FKBP15: variants seen among roughly 807,000 people sequenced by gnomAD.
FKBP15 encodes FKBP prolyl isomerase family member 15.
In FKBP15, 106 loss-of-function variants were observed where a neutral mutation model predicts 158.1. That is an observed-to-expected ratio of 0.67 (90% CI 0.57 to 0.79). The LOEUF is 0.79. Ranked by LOEUF, FKBP15 falls within the 30% of genes least tolerant of loss-of-function variation. The probability of loss-of-function intolerance (pLI) is 0.00; values close to 1 mark genes in which losing one functional copy is unlikely to be tolerated. For missense variants in FKBP15, 1,287 were observed against 1,479.1 expected (o/e 0.87, Z 2.13); for synonymous variants, 547 against 548.6 (o/e 1.00, Z 0.04).
intron 6 of FKBP15, among the ~76,000 whole-genome samples, chr9:113,201,063 TTTCATTA>T (rs955306213): frequency 6.8e-6 from 1 of 146,020 alleles, no homozygotes; most frequent in Non-Finnish European, 1.5e-5. Context: ...AAAAAAAGAG[TTTCATTA>T]TTGTAATCAA....
chr9:113,162,253 T>A lies in FKBP15; in HGVS notation c.*3825A>T, dbSNP rs1830025433. ...GTGTCTCAGATCTTCACAACTGCAC[T>A]GCAAGGGAAGTATTCTCATTCCTGT... On this transcript the variant is annotated 3_prime_UTR_variant, in exon 28 of 28. Coordinates refer to ENST00000238256, the MANE Select transcript of FKBP15 (RefSeq NM_015258.2). The A allele has an allele frequency of 4.0e-6, 1 of 249,136 alleles. No individual in the cohort carries two copies. Among genetic ancestry groups the A allele is most frequent in the South Asian group, 4.3e-5 (1 of 23,516 alleles). 15.4% of individuals were successfully genotyped at this position (249,136 alleles called of 1,614,324 possible). A position where few individuals can be genotyped will look rare whatever the true frequency, so the allele number is the denominator to read the frequency against.
At chr9:113,194,213 C>A in intron 9 of FKBP15, 44 bp from the exon 10 acceptor site, 1 of 1,462,800 alleles carries the variant, frequency 6.8e-7, no homozygotes, top group Non-Finnish European at 9.3e-7. Context: ...GGGAATTGAA[C>A]AATGAGATCA....
At chr9:113,171,556 C>A in intron 24 of FKBP15, 25 bp downstream of exon 24, 1 of 1,602,522 alleles carries the variant, frequency 6.2e-7, no homozygotes, top group Non-Finnish European at 8.5e-7. Context: ...AAATGGCTTG[C>A]TTCTCATTTG....
chr9:113,177,105 C>T (rs755872102), intron 20 of FKBP15, among the ~76,000 whole-genome samples: 6 of 152,286 alleles, frequency 3.9e-5, no homozygotes, highest in African/African-American at 1.2e-4. Context: ...TCTCCACATA[C>T]GAAATGGAAA....
intron 18 of FKBP15, 126 bp downstream of exon 18, chr9:113,183,625 A>G (rs372285044): frequency 1.2e-5 from 8 of 647,868 alleles, no homozygotes; most frequent in African/African-American, 7.2e-5. Context: ...AATTCACATG[A>G]CAGGCAGGAA....
At chr9:113,175,839 TAATG>T (rs1447523540) in intron 21 of FKBP15, among the ~76,000 whole-genome samples, 1 of 152,216 alleles carries the variant, frequency 6.6e-6, no homozygotes, top group African/African-American at 2.4e-5. Context: ...CCTGTCAGAC[TAATG>T]AAGATTAGAA....
chr9:113,183,694 G>A, intron 18 of FKBP15, 57 bp downstream of exon 18: 1 of 1,118,326 alleles, frequency 8.9e-7, no homozygotes, highest in Non-Finnish European at 1.3e-6. Context: ...CTTAAGCTGG[G>A]CATATACATA....
At chr9:113,199,135 T>C (rs1465406590) in intron 7 of FKBP15, among the ~76,000 whole-genome samples, 1 of 152,132 alleles carries the variant, frequency 6.6e-6, no homozygotes, top group Non-Finnish European at 1.5e-5. Context: ...ATTTTCCAGG[T>C]TTAGAAAAAA....
At chr9:113,192,350 G>T (rs1233998463) in intron 11 of FKBP15, among the ~76,000 whole-genome samples, 1 of 152,160 alleles carries the variant, frequency 6.6e-6, no homozygotes, top group Non-Finnish European at 1.5e-5. Flanking sequence ...CAACTATTCT[G>T]TTTCCCAGTG....
chr9:113,161,251 A>G lies in FKBP15; in HGVS notation c.*4827T>C. 2 of 480,164 alleles carry G rather than the reference A, an allele frequency of 4.2e-6. No individual in the cohort carries two copies. Among genetic ancestry groups the G allele is most frequent in the Non-Finnish European group, 7.4e-6 (2 of 271,010 alleles). 29.7% of individuals were successfully genotyped at this position (480,164 alleles called of 1,614,324 possible). Reference sequence around the variant, plus strand: ...ACAGATTTGTGCAGCCTGCTGGGGGAGTGGGTGGGGTAATGGTACGTGGCT... The same window carrying G: ...ACAGATTTGTGCAGCCTGCTGGGGGGGTGGGTGGGGTAATGGTACGTGGCT... On this transcript the variant is annotated 3_prime_UTR_variant, in exon 28 of 28. Coordinates refer to ENST00000238256, the MANE Select transcript of FKBP15 (RefSeq NM_015258.2).
chr9:113,177,111 G>A (rs1002538325), intron 20 of FKBP15, among the ~76,000 whole-genome samples: 2 of 152,150 alleles, frequency 1.3e-5, no homozygotes, highest in Admixed American at 1.3e-4. Flanking sequence ...CATACGAAAT[G>A]GAAAGGACAT....
Position 113,199,882 on chromosome 9 carries a change from C to T in FKBP15, c.580G>A (p.Val194Ile). ...QDLIVADGPA[V>I]EVGDSLEVAY... ...ACTTCCAAAGAATCTCCAACTTCTACAGCAGGGCCGTCTGCCACAATGAGG... is the reference window on the plus strand; with the variant it reads ...ACTTCCAAAGAATCTCCAACTTCTATAGCAGGGCCGTCTGCCACAATGAGG... Residue 194 changes from valine to isoleucine, a missense_variant, in exon 7 of 28, where the codon GTA (valine) becomes ATA (isoleucine). Transcript: ENST00000238256. The T allele has an allele frequency of 6.2e-7, 1 of 1,613,280 alleles. No individual in the cohort carries two copies. The highest frequency in any genetic ancestry group is 8.5e-7 in the Non-Finnish European group (1 of 1,179,620).
chr9:113,163,314 T>G lies in FKBP15; in HGVS notation c.*2764A>C, dbSNP rs1331343383. On this transcript the variant is annotated 3_prime_UTR_variant, in exon 28 of 28. Coordinates refer to ENST00000238256, the MANE Select transcript of FKBP15 (RefSeq NM_015258.2). ...GGAACCTGGACACCCTCAGCTCTCC[T>G]GCTTTGTGCCTTATCTACAGGAGCA... 6.3e-6 allele frequency: 1 copy of G among 157,636 alleles called. No individual in the cohort carries two copies. Among genetic ancestry groups the G allele is most frequent in the East Asian group, 1.9e-4 (1 of 5,328 alleles). The allele number at this position is 157,636 out of a possible 1,614,324, so 9.8% of individuals were successfully genotyped here.
At chr9:113,169,156 T>TAAAAAA in intron 26 of FKBP15, 68 bp downstream of exon 26, 1 of 1,519,880 alleles carries the variant, frequency 6.6e-7, no homozygotes, top group Non-Finnish European at 8.8e-7. Flanking sequence ...TTGCCAGCCC[T>TAAAAAA]GGAAAAAACA....
rs990731303 is a variant in FKBP15 at position 113,164,425 on chromosome 9, G to T, written c.*1653C>A. 2 of 152,322 alleles carry T rather than the reference G, an allele frequency of 1.3e-5. No homozygotes were observed. The highest frequency in any genetic ancestry group is 1.3e-4 in the Admixed American group (2 of 15,300). 9.4% of individuals were successfully genotyped at this position (152,322 alleles called of 1,614,324 possible). On this transcript the variant is annotated 3_prime_UTR_variant, in exon 28 of 28. Transcript: ENST00000238256. ...GCTATAAGAAAAGTAACTGTCACAC[G>T]GACTTTAAGCACCTGTGTTGGCACA...
chr9:113,161,677 C>T lies in FKBP15; in HGVS notation c.*4401G>A. 1.2e-6 allele frequency: 2 copies of T among 1,613,982 alleles called. No individual in the cohort carries two copies. Among genetic ancestry groups the T allele is most frequent in the Non-Finnish European group, 8.5e-7 (1 of 1,179,870 alleles). Reference sequence around the variant, plus strand: ...GACTCTGCAGGCTCAGATTCATTCCCTGTTGGCAGAACCCACCACAGGTAC... The same window carrying T: ...GACTCTGCAGGCTCAGATTCATTCCTTGTTGGCAGAACCCACCACAGGTAC... On this transcript the variant is annotated 3_prime_UTR_variant, in exon 28 of 28. Transcript: ENST00000238256.
At chr9:113,214,628 A>C (rs1002595000) in intron 1 of FKBP15, among the ~76,000 whole-genome samples, 3 of 152,244 alleles carry the variant, frequency 2.0e-5, no homozygotes, top group African/African-American at 7.2e-5. Context: ...AACGGCTTCA[A>C]CTTTAAGTCA....
chr9:113,164,014 AAAAGG>A lies in FKBP15; in HGVS notation c.*2059_*2063del, dbSNP rs546534282. 1.0e-4 allele frequency: 16 copies of A among 152,778 alleles called. No homozygotes were observed. Among genetic ancestry groups the A allele is most frequent in the Middle Eastern group, 6.8e-3 (2 of 294 alleles). The allele number at this position is 152,778 out of a possible 1,614,324, so 9.5% of individuals were successfully genotyped here. On this transcript the variant is annotated 3_prime_UTR_variant, in exon 28 of 28. Transcript: ENST00000238256. Reference sequence around the variant, plus strand: ...ATAGTTGAACCTCTTCACTTTATAAAAAAGGAAAGAGAGAAAATCACTGCTGTATA... The same window carrying A: ...ATAGTTGAACCTCTTCACTTTATAAAAAAGAGAGAAAATCACTGCTGTATA...
chr9:113,172,478 G>A (rs10981667), intron 23 of FKBP15, among the ~76,000 whole-genome samples: 13,385 of 152,104 alleles, frequency 0.088, 692 homozygotes, highest in East Asian at 0.18. Context: ...GTGTAAAAGC[G>A]TTCCTATTTC....
Sources: gnomAD v4.1 joint callset for allele counts (sites outside exome capture counted in the v4.1 genomes callset) on GRCh38, gnomAD v4.1.1 for gene constraint, MANE v1.5 for transcripts, NCBI Gene and HGNC (gene_info 2026-07-23, HGNC 2026-07-21) for gene names.